Variants in LNX1 observed in about 807,000 individuals in gnomAD.
LNX1 encodes ligand of numb-protein X 1, also known as E3 ubiquitin-protein ligase LNX.
A neutral mutation model predicts 68.4 loss-of-function variants in LNX1; 54 were observed. The observed-to-expected ratio is 0.79, with a 90% CI of 0.63 to 0.99. The LOEUF is 0.99. Ranked by LOEUF, LNX1 falls within the 50% of genes least tolerant of loss-of-function variation. The probability of loss-of-function intolerance (pLI) is 0.00; values close to 1 mark genes in which losing one functional copy is unlikely to be tolerated. For synonymous variants in LNX1, 336 were observed against 350.0 expected, an observed-to-expected ratio of 0.96 and a Z score of 0.45; for missense variants, 906 against 926.4, an observed-to-expected ratio of 0.98 and a Z score of 0.29.
At chr4:53,582,864 C>G (rs1488664101) in intron 1 of LNX1, among the ~76,000 whole-genome samples, 1 of 152,080 alleles carries the variant, frequency 6.6e-6, no homozygotes, top group Non-Finnish European at 1.5e-5. Flanking sequence ...GGACCACGAA[C>G]AGCAGAAATA....
At chr4:53,471,498 A>C (rs1336599892) in intron 9 of LNX1, among the ~76,000 whole-genome samples, 1 of 152,236 alleles carries the variant, frequency 6.6e-6, no homozygotes, top group African/African-American at 2.4e-5. Flanking sequence ...AATGGGATCT[A>C]ATTAAATGAA....
chr4:53,603,111 C>T (rs1241993255), intron 2 of LNX1, among the ~76,000 whole-genome samples: 2 of 152,166 alleles, frequency 1.3e-5, no homozygotes, highest in African/African-American at 2.4e-5. Context: ...TCAGGGAAAG[C>T]AGTTTTCCAG....
At chr4:53,543,094 C>T (rs1297902304) in intron 2 of LNX1, among the ~76,000 whole-genome samples, 1 of 152,162 alleles carries the variant, frequency 6.6e-6, no homozygotes, top group Admixed American at 6.5e-5. Context: ...CTCCTGAGCT[C>T]AAACAATTCT....
chr4:53,641,061 C>G (rs1734662500), intron 1 of LNX1, among the ~76,000 whole-genome samples: 1 of 152,232 alleles, frequency 6.6e-6, no homozygotes, highest in African/African-American at 2.4e-5. Context: ...CGACTCGGCA[C>G]AGGCTACTGC....
chr4:53,466,476 G>C (rs1208368753), intron 9 of LNX1, among the ~76,000 whole-genome samples: 20 of 152,188 alleles, frequency 1.3e-4, no homozygotes, highest in Admixed American at 1.3e-3. Flanking sequence ...TCTCACTAGG[G>C]AGTGCCAGAC....
At chr4:53,503,118 T>A (rs1579424471) in intron 4 of LNX1, among the ~76,000 whole-genome samples, 1 of 152,110 alleles carries the variant, frequency 6.6e-6, no homozygotes, top group Non-Finnish European at 1.5e-5. Flanking sequence ...TTCCACCACA[T>A]CTATAGTTAC....
intron 2 of LNX1, 194 bp from the exon 3 acceptor site, chr4:53,508,421 A>C (rs1579435897): frequency 1.6e-6 from 1 of 627,158 alleles, no homozygotes; most frequent in Non-Finnish European, 2.5e-6. Flanking sequence ...AAGTGAATTC[A>C]TAATTTGAGA....
At chr4:53,479,483 C>T (rs1723779883) in intron 7 of LNX1, among the ~76,000 whole-genome samples, 1 of 152,186 alleles carries the variant, frequency 6.6e-6, no homozygotes, top group Admixed American at 6.5e-5. Flanking sequence ...TGTGTCCTGT[C>T]TCATGAACCA....
chr4:53,528,527 T>C (rs1387221783), intron 2 of LNX1, among the ~76,000 whole-genome samples: 1 of 152,242 alleles, frequency 6.6e-6, no homozygotes, highest in Non-Finnish European at 1.5e-5. Flanking sequence ...CTATAATTAT[T>C]GTATAGCATT....
intron 1 of LNX1, among the ~76,000 whole-genome samples, chr4:53,645,100 A>G (rs1390637752): frequency 1.3e-5 from 2 of 152,154 alleles, no homozygotes; most frequent in Non-Finnish European, 2.9e-5. Context: ...AAAAGAACAG[A>G]AAGTTTGGCT....
At chr4:53,492,035 C>A (rs904364777) in intron 6 of LNX1, among the ~76,000 whole-genome samples, 3 of 152,116 alleles carry the variant, frequency 2.0e-5, no homozygotes, top group African/African-American at 7.2e-5. Flanking sequence ...GACCCACCCG[C>A]CTCGGCCTCC....
intron 2 of LNX1, among the ~76,000 whole-genome samples, chr4:53,522,656 T>C (rs1460176476): frequency 6.6e-6 from 1 of 152,236 alleles, no homozygotes; most frequent in Non-Finnish European, 1.5e-5. Context: ...ATGAAATACT[T>C]CTTTACTTTT....
chr4:53,636,176 C>CT (rs1178731425), intron 1 of LNX1, among the ~76,000 whole-genome samples: 515 of 127,208 alleles, frequency 4.0e-3, no homozygotes, highest in African/African-American at 0.014. Flanking sequence ...ACATCTATTA[C>CT]TCCTTTTTTT....
intron 2 of LNX1, among the ~76,000 whole-genome samples, chr4:53,609,837 T>C (rs1733407858): frequency 6.8e-6 from 1 of 147,554 alleles, no homozygotes; most frequent in Admixed American, 6.8e-5. Context: ...TACATAATGC[T>C]ATATAAATAA....
chr4:53,600,717 T>C (rs1732963300), intron 2 of LNX1, among the ~76,000 whole-genome samples: 1 of 117,364 alleles, frequency 8.5e-6, no homozygotes, highest in Non-Finnish European at 2.0e-5. Context: ...TGTTTTTTTA[T>C]TTTTATTTTT....
intron 2 of LNX1, among the ~76,000 whole-genome samples, chr4:53,615,056 T>C (rs2572283): frequency 0.77 from 116,864 of 151,926 alleles, 45,374 homozygotes; most frequent in East Asian, 0.91. Context: ...TTTGTCATGA[T>C]GCTTCAAATG....
upstream of LNX1, among the ~76,000 whole-genome samples, chr4:53,595,024 T>C (rs563491110): frequency 2.0e-5 from 3 of 152,246 alleles, no homozygotes; most frequent in Admixed American, 6.5e-5. Context: ...CTATCTCTAG[T>C]TGGACAGTAA....
intron 2 of LNX1, among the ~76,000 whole-genome samples, chr4:53,529,914 T>C (rs1207278192): frequency 6.6e-6 from 1 of 151,598 alleles, no homozygotes; most frequent in Non-Finnish European, 1.5e-5. Flanking sequence ...AGAGAACACA[T>C]TAACATGGGG....
At chr4:53,639,657 G>C (rs1388146992) in intron 1 of LNX1, among the ~76,000 whole-genome samples, 1 of 152,270 alleles carries the variant, frequency 6.6e-6, no homozygotes, top group South Asian at 2.1e-4. Context: ...CAAAAGGGCT[G>C]TTTCTTCTGT....
Sources: allele counts gnomAD v4.1 joint callset (sites outside exome capture counted in the v4.1 genomes callset), GRCh38; gene constraint gnomAD v4.1.1; transcripts MANE v1.5; gene names NCBI Gene and HGNC (gene_info 2026-07-23, HGNC 2026-07-21).